MBOAT7: variants seen among roughly 807,000 people sequenced by gnomAD.
MBOAT7 encodes the protein membrane-bound acylglycerophosphatidylinositol O-acyltransferase MBOAT7.
MBOAT7 carries 40 observed loss-of-function variants against 47.4 expected under a neutral mutation model. That is an observed-to-expected ratio of 0.84 (90% CI 0.66 to 1.10). The LOEUF (loss-of-function observed/expected upper bound fraction) is 1.10. Ranked by LOEUF, MBOAT7 falls within the 50% of genes least tolerant of loss-of-function variation. The pLI is 0.00. For synonymous variants in MBOAT7, 361 were observed against 292.0 expected, an observed-to-expected ratio of 1.24 and a Z score of -2.41; for missense variants, 680 against 655.6, an observed-to-expected ratio of 1.04 and a Z score of -0.41.
rs1403297076 is a variant in MBOAT7, at chr19:54,180,163, A to G, written c.854+610T>C. 6.6e-6 allele frequency: 1 copy of G among 152,286 alleles called. No individual in the cohort carries two copies. Among genetic ancestry groups the G allele is most frequent in the Non-Finnish European group, 1.5e-5 (1 of 68,134 alleles). The allele number at this position is 152,286 out of a possible 1,614,324, so 9.4% of individuals were successfully genotyped here. On this transcript the variant is annotated intron_variant, in intron 6 of 7. Transcript: ENST00000245615. The surrounding 1 kb of genome is among the most constrained non-coding windows in gnomAD (Gnocchi z 5.2). ...CCTCTGCTGGGGAACAGCACTGGTC[A>G]GGGATTGGAAATTGCTATTTCCTTG...
intron 6 of MBOAT7, chr19:54,179,149 T>G (rs2146980701): frequency 1.6e-6 from 1 of 632,382 alleles, no homozygotes; most frequent in Admixed American, 3.0e-5. Context: ...GGTGGTACAG[T>G]CCACTGACAA....
In MBOAT7 at chr19:54,188,254, T is replaced by TGAGG; in HGVS notation, c.168_169insCCTC (p.Ile57ProfsTer63). 6.2e-7 allele frequency: 1 copy of TGAGG among 1,613,810 alleles called. No individual in the cohort carries two copies. The highest frequency in any genetic ancestry group is 1.1e-5 in the South Asian group (1 of 91,048). ...TGAATGAGGGCCCAGGTCCCGAGGA[T>TGAGG]GGTGACCAGAGAATGCAAAGTGTGG... is the stretch of plus-strand genomic sequence containing the variant. On this transcript the variant is annotated frameshift_variant, in exon 3 of 8. Coordinates refer to ENST00000245615, the MANE Select transcript of MBOAT7 (RefSeq NM_024298.5). LOFTEE classifies it high-confidence loss of function.
chr19:54,179,656 GA>G (rs1021224760), intron 6 of MBOAT7: 1 of 152,140 alleles, frequency 6.6e-6, no homozygotes, highest in Non-Finnish European at 1.5e-5. Context: ...AGCAGATTTA[GA>G]AAAACCTTCA....
intron 6 of MBOAT7, 129 bp from the exon 7 acceptor site, chr19:54,179,070 C>A: frequency 7.5e-7 from 1 of 1,337,870 alleles, no homozygotes; most frequent in South Asian, 1.4e-5. Context: ...CTCTGGCTGT[C>A]AGACTTGCTA....
intron 7 of MBOAT7, 191 bp downstream of exon 7, chr19:54,178,574 G>C (rs1282615485): frequency 1.4e-6 from 2 of 1,426,078 alleles, no homozygotes; most frequent in African/African-American, 2.9e-5. Flanking sequence ...CTGAGGCCCC[G>C]AGAGGGGGAA....
At chr19:54,183,414 C>T (rs2076340052) in intron 5 of MBOAT7, 107 bp downstream of exon 5, 3 of 1,316,936 alleles carry the variant, frequency 2.3e-6, no homozygotes, top group Non-Finnish European at 3.1e-6. Flanking sequence ...GCAGCAGATG[C>T]TAGGATGGAG....
At position 54,188,131 on chromosome 19, in the gene MBOAT7, G is replaced by A. The variant is rs1353984903; in HGVS notation, c.206+86C>T. On this transcript the variant is annotated intron_variant, in intron 3 of 7. Transcript: ENST00000245615. ...TCAACAAGAGACAGCTAGACATGAG[G>A]CAGAAGCTGAAAAAGACTCAAAGAG... 3.2e-5 allele frequency: 44 copies of A among 1,364,570 alleles called. 1 individual carries two copies. The South Asian group carries it at 6.1e-4, about 19-fold the overall frequency. 84.5% of individuals were successfully genotyped at this position (1,364,570 alleles called of 1,614,324 possible).
Position 54,174,124 on chromosome 19 carries a change from A to C in MBOAT7, c.1339T>G (p.Leu447Val). The C allele has an allele frequency of 6.2e-7, 1 of 1,603,896 alleles. No homozygotes were observed. The highest frequency in any genetic ancestry group is 8.5e-7 in the Non-Finnish European group (1 of 1,175,670). ...ALAALGLGLA[L>V]GGGSPSRRKA... ...CGCCGGCTGGGGCTGCCCCCACCTA[A>C]AGCCAGCCCCAGCCCCAGGGCTGCC... Residue 447 changes from leucine (L) to valine (V), a missense_variant, in exon 8 of 8, where the codon TTA becomes GTA. Coordinates refer to ENST00000245615, the MANE Select transcript of MBOAT7 (RefSeq NM_024298.5).
At chr19:54,174,490 C>A in intron 7 of MBOAT7, 59 bp from the exon 8 acceptor site, 1 of 1,455,872 alleles carries the variant, frequency 6.9e-7, no homozygotes, top group Non-Finnish European at 9.0e-7. Context: ...CCCACTGCCC[C>A]CAGATCCAGG....
intron 7 of MBOAT7, among the ~76,000 whole-genome samples, chr19:54,176,452 G>A (rs184593732): frequency 2.0e-5 from 3 of 152,022 alleles, no homozygotes; most frequent in African/African-American, 4.8e-5. Flanking sequence ...CAGCTACTAG[G>A]GGGGCTGAGA....
rs1321188870 is a variant in MBOAT7, at chr19:54,180,588, G to A, written c.854+185C>T. On this transcript the variant is annotated intron_variant, in intron 6 of 7. Transcript: ENST00000245615. This position sits in a 1 kb window ranked among gnomAD's most constrained non-coding sequence, Gnocchi z 5.2. Reference sequence around the variant, plus strand: ...CGCTAGCAACAAGGGGCATCTGTCAGTACCAGGGATCTTTTCCCTACCGAC... The same window carrying A: ...CGCTAGCAACAAGGGGCATCTGTCAATACCAGGGATCTTTTCCCTACCGAC... The A allele has an allele frequency of 5.0e-6, 3 of 603,824 alleles. No individual in the cohort carries two copies. In the South Asian group the frequency reaches 6.3e-5, roughly 13 times the overall value. The allele number at this position is 603,824 out of a possible 1,614,324, so 37.4% of individuals were successfully genotyped here.
At chr19:54,181,243 G>C (rs1218097572) in intron 5 of MBOAT7, 110 bp from the exon 6 acceptor site, 4 of 1,336,584 alleles carry the variant, frequency 3.0e-6, no homozygotes, top group Non-Finnish European at 3.0e-6. Flanking sequence ...GGAGTGAGAG[G>C]GGCAGAGACT....
In MBOAT7 at chr19:54,180,501, TTGC is replaced by T; in HGVS notation, c.854+269_854+271del. 1 of 427,308 alleles carries T rather than the reference TTGC, an allele frequency of 2.3e-6. No homozygotes were observed. The highest frequency in any genetic ancestry group is 4.2e-6 in the Non-Finnish European group (1 of 240,412). 26.5% of individuals were successfully genotyped at this position (427,308 alleles called of 1,614,324 possible). On this transcript the variant is annotated intron_variant, in intron 6 of 7. Coordinates refer to ENST00000245615, the MANE Select transcript of MBOAT7 (RefSeq NM_024298.5). This position sits in a 1 kb window ranked among gnomAD's most constrained non-coding sequence, Gnocchi z 5.2. The stretch of plus-strand genomic sequence containing the variant: ...GTGGCAACAGAGGGGTGGCACAGGG[TTGC>T]TAAGTTACCACCTTTTCCTAGCGAC...
rs897648524 is a variant in MBOAT7, at chr19:54,175,015, G to T, written c.1032-584C>A. ...TTTTGAGACAGAGTCTCGCTCTGTC[G>T]CCCAGGCTAGAGTGCAGTGGCGCGA... On this transcript the variant is annotated intron_variant, in intron 7 of 7. Transcript: ENST00000245615. Among the ~76,000 whole-genome samples, 61 of 134,394 alleles carry T rather than the reference G, an allele frequency of 4.5e-4. No individual in the cohort carries two copies. The South Asian group carries it at 5.0e-3, about 11-fold the overall frequency. The allele number at this position is 134,394 out of a possible 152,430, so 88.2% of individuals were successfully genotyped here. A position where few individuals can be genotyped will look rare whatever the true frequency, so the allele number is the denominator to read the frequency against.
chr19:54,176,279 GCAC>G (rs2076106018), intron 7 of MBOAT7, among the ~76,000 whole-genome samples: 2 of 152,172 alleles, frequency 1.3e-5, no homozygotes, highest in Non-Finnish European at 2.9e-5. Flanking sequence ...GTCAGCCATT[GCAC>G]CTGGCCAACT....
chr19:54,183,403 A>G, intron 5 of MBOAT7, 118 bp downstream of exon 5: 1 of 1,216,362 alleles, frequency 8.2e-7, no homozygotes, highest in South Asian at 1.5e-5. Context: ...CCACCCTCAC[A>G]GCAGCAGATG....
rs1271412653 is a variant in MBOAT7 at position 54,174,082 on chromosome 19, G to C, written c.1381C>G (p.Pro461Ala). 1 of 1,606,466 alleles carries C rather than the reference G, an allele frequency of 6.2e-7. No individual in the cohort carries two copies. ...AGCTTCTCCGGGGCAAGGCTGGTGG[G>C]CTGGGATGCTGCCTTCCGCCGGCTG... ...SPSRRKAASQ[P>A]TSLAPEKLRE... The change falls in exon 8 of 8, where the codon CCC (proline) becomes GCC (alanine). Residue 461 changes from proline (P) to alanine (A), a missense_variant. Physicochemically the swap from Pro to Ala is conservative, Grantham distance 27. Coordinates refer to ENST00000245615, the MANE Select transcript of MBOAT7 (RefSeq NM_024298.5).
At chr19:54,177,900 GTTTTTTTTTTTTTTTT>G (rs761565984) in intron 7 of MBOAT7, among the ~76,000 whole-genome samples, 7 of 76,000 alleles carry the variant, frequency 9.2e-5, no homozygotes, top group South Asian at 4.9e-4. Context: ...TTCTACTTCT[GTTTTTTTTTTTTTTTT>G]TTTTTTTTTT....
chr19:54,176,669 TGCA>T (rs1420578006), intron 7 of MBOAT7, among the ~76,000 whole-genome samples: 2 of 152,022 alleles, frequency 1.3e-5, no homozygotes, highest in African/African-American at 4.8e-5. Context: ...CTCCTGGGGG[TGCA>T]GCAGCAGCAC....
Sources: gnomAD v4.1 joint callset for allele counts (sites outside exome capture counted in the v4.1 genomes callset) on GRCh38, gnomAD v4.1.1 for gene constraint, Gnocchi (gnomAD v3.1) non-coding constraint, MANE v1.5 for transcripts, NCBI Gene and HGNC (gene_info 2026-07-23, HGNC 2026-07-21) for gene names.